PTPRD: variants seen among roughly 807,000 people sequenced by gnomAD.
The protein encoded by PTPRD is receptor-type tyrosine-protein phosphatase delta.
Under a neutral mutation model 214.5 loss-of-function variants are expected in PTPRD, and 34 were observed. The observed-to-expected ratio is 0.16, with a 90% CI of 0.12 to 0.21. The LOEUF (loss-of-function observed/expected upper bound fraction) is 0.21, where lower values mean the gene tolerates loss of function less well. Ranked by LOEUF, PTPRD falls within the 10% of genes least tolerant of loss-of-function variation. PTPRD has a pLI of 1.00. For missense variants in PTPRD, 2,545 were observed against 2,398.7 expected, an observed-to-expected ratio of 1.06 and a Z score of -1.27; for synonymous variants, 1,128 against 845.7, an observed-to-expected ratio of 1.33 and a Z score of -5.79.
intron 2 of PTPRD, among the ~76,000 whole-genome samples, chr9:10,389,208 G>GT (rs1431044088): frequency 1.3e-5 from 2 of 151,746 alleles, no homozygotes; most frequent in Non-Finnish European, 2.9e-5. Flanking sequence ...ATATAATCAT[G>GT]TTTTTCACAC....
intron 2 of PTPRD, among the ~76,000 whole-genome samples, chr9:10,474,964 C>T (rs890856894): frequency 2.0e-5 from 3 of 152,106 alleles, no homozygotes; most frequent in African/African-American, 7.2e-5. Context: ...GTACCAGTGT[C>T]TCTGGGACAC....
At chr9:10,314,455 GA>G (rs1412710840) in intron 3 of PTPRD, among the ~76,000 whole-genome samples, 1 of 151,876 alleles carries the variant, frequency 6.6e-6, no homozygotes, top group African/African-American at 2.4e-5. Context: ...TAAGAATCAG[GA>G]ACTCCTGAGT....
At chr9:8,552,290 T>C (rs920482255) in intron 14 of PTPRD, among the ~76,000 whole-genome samples, 4 of 152,158 alleles carry the variant, frequency 2.6e-5, no homozygotes, top group African/African-American at 7.2e-5. Context: ...GGAAAAATCA[T>C]TGTATGGTTT....
At chr9:8,321,845 T>C (rs576744306) in intron 44 of PTPRD, among the ~76,000 whole-genome samples, 1 of 152,068 alleles carries the variant, frequency 6.6e-6, no homozygotes, top group Non-Finnish European at 1.5e-5. Context: ...TTATGGAGTT[T>C]TGCAGATACT....
In PTPRD at chr9:10,288,402, A is replaced by G. The variant is rs535750962; in HGVS notation, c.-545+52561T>C. On this transcript the variant is annotated intron_variant, in intron 3 of 45. Coordinates refer to ENST00000381196, the MANE Select transcript of PTPRD (RefSeq NM_002839.4). ...TATACCATTGCCCATTCTCAAATAT[A>G]AGATGATAAACATCAGTTTATTAAC... is the stretch of plus-strand genomic sequence containing the variant. 3.9e-5 allele frequency among the ~76,000 whole-genome samples: 6 copies of G among 152,314 alleles called. No individual in the cohort carries two copies. The South Asian group carries it at 1.0e-3, about 26-fold the overall frequency.
intron 39 of PTPRD, among the ~76,000 whole-genome samples, chr9:8,359,006 G>A (rs1021606219): frequency 1.4e-5 from 2 of 147,334 alleles, no homozygotes; most frequent in Admixed American, 6.8e-5. Context: ...TACTCGGGAG[G>A]CTGAGGCAGG....
At chr9:10,609,221 C>T (rs1036842655) in intron 2 of PTPRD, among the ~76,000 whole-genome samples, 2 of 151,920 alleles carry the variant, frequency 1.3e-5, no homozygotes, top group Admixed American at 1.3e-4. Context: ...TAGATAGTAG[C>T]TAGATCAATA....
chr9:9,172,624 C>G (rs2099922166), intron 10 of PTPRD, among the ~76,000 whole-genome samples: 1 of 152,060 alleles, frequency 6.6e-6, no homozygotes, highest in Non-Finnish European at 1.5e-5. Flanking sequence ...TCTGTATGTT[C>G]CCTAGGCACT....
chr9:8,940,917 G>A (rs887403652), intron 11 of PTPRD, among the ~76,000 whole-genome samples: 2 of 151,922 alleles, frequency 1.3e-5, no homozygotes, highest in Admixed American at 6.6e-5. Context: ...TTCATGCCTT[G>A]AGCCCAAGTT....
intron 11 of PTPRD, among the ~76,000 whole-genome samples, chr9:8,787,310 C>A (rs1428930432): frequency 3.3e-5 from 5 of 152,186 alleles, no homozygotes; most frequent in African/African-American, 1.2e-4. Flanking sequence ...ACTTGAGCAA[C>A]AGCAATATGG....
intron 7 of PTPRD, among the ~76,000 whole-genome samples, chr9:9,597,163 T>TG (rs2093415989): frequency 6.6e-6 from 1 of 151,584 alleles, no homozygotes; most frequent in African/African-American, 2.4e-5. Context: ...AGGCTGAGGG[T>TG]GGGGGGAATA....
intron 11 of PTPRD, among the ~76,000 whole-genome samples, chr9:8,898,240 A>G (rs1292704257): frequency 6.7e-6 from 1 of 150,222 alleles, no homozygotes; most frequent in African/African-American, 2.5e-5. Flanking sequence ...TGGCATTATC[A>G]ACTCTGAGAG....
chr9:10,597,571 A>G (rs2076907579), intron 2 of PTPRD, among the ~76,000 whole-genome samples: 1 of 151,826 alleles, frequency 6.6e-6, no homozygotes, highest in Non-Finnish European at 1.5e-5. Flanking sequence ...TTTGTTAAGG[A>G]GTTAAAACAG....
chr9:10,112,672 T>A (rs1008020554), intron 3 of PTPRD, among the ~76,000 whole-genome samples: 1 of 152,116 alleles, frequency 6.6e-6, no homozygotes, highest in Non-Finnish European at 1.5e-5. Flanking sequence ...AAAGTCACGG[T>A]AAGGGAACAG....
At chr9:9,512,973 T>C (rs2154246765) in intron 8 of PTPRD, among the ~76,000 whole-genome samples, 1 of 151,958 alleles carries the variant, frequency 6.6e-6, no homozygotes, top group South Asian at 2.1e-4. Context: ...AGGAAATAAA[T>C]TCATTTCTTC....
At chr9:10,073,216 G>C (rs1053488081) in intron 3 of PTPRD, among the ~76,000 whole-genome samples, 4 of 151,638 alleles carry the variant, frequency 2.6e-5, no homozygotes, top group African/African-American at 9.7e-5. Context: ...TATATATATA[G>C]TTGTGGGATA....
At chr9:10,205,214 A>C (rs2099464007) in intron 3 of PTPRD, among the ~76,000 whole-genome samples, 1 of 151,962 alleles carries the variant, frequency 6.6e-6, no homozygotes, top group Non-Finnish European at 1.5e-5. Flanking sequence ...TTATCTTTAA[A>C]GTTTTATTTC....
chr9:10,176,443 A>G (rs567542702), intron 3 of PTPRD, among the ~76,000 whole-genome samples: 143 of 152,134 alleles, frequency 9.4e-4, no homozygotes, highest in Non-Finnish European at 1.6e-3. Flanking sequence ...ATACAAGGAA[A>G]AAAGCAACAT....
chr9:10,173,834 C>G (rs1401949586), intron 3 of PTPRD, among the ~76,000 whole-genome samples: 3 of 151,556 alleles, frequency 2.0e-5, no homozygotes, highest in Non-Finnish European at 4.4e-5. Context: ...TAATAACAAG[C>G]CTTGAGCCTT....
Sources: allele counts gnomAD v4.1 joint callset (sites outside exome capture counted in the v4.1 genomes callset), GRCh38; gene constraint gnomAD v4.1.1; transcripts MANE v1.5; gene names NCBI Gene and HGNC (gene_info 2026-07-23, HGNC 2026-07-21).